Variants in FSIP2 observed in about 807,000 individuals in gnomAD.
FSIP2 encodes fibrous sheath interacting protein 2.
In FSIP2, 367 loss-of-function variants were observed where a neutral mutation model predicts 510.5. The observed-to-expected ratio is 0.72, with a 90% CI of 0.66 to 0.78. FSIP2 has a LOEUF of 0.78. Among genes scored for constraint, FSIP2 ranks in the 30% least tolerant of loss-of-function variants. FSIP2 has a pLI of 0.00. For missense variants in FSIP2, 7,594 were observed against 7,901.7 expected, an observed-to-expected ratio of 0.96 and a Z score of 1.48; for synonymous variants, 2,601 against 2,732.2, an observed-to-expected ratio of 0.95 and a Z score of 1.50.
chr2:185,815,029 G>A (rs1693803280), intron 18 of FSIP2, among the ~76,000 whole-genome samples: 1 of 152,022 alleles, frequency 6.6e-6, no homozygotes, highest in Admixed American at 6.6e-5. Flanking sequence ...ATTGACCAGA[G>A]TTGTATCTGT....
Position 185,803,617 on chromosome 2 carries a change from G to A in FSIP2, c.14311G>A (p.Asp4771Asn), listed in dbSNP as rs1002167654. ...ANVLIQRVQY[D>N]ISKSRFQRQA... The stretch of plus-strand genomic sequence containing the variant: ...TGTTTTAATACAAAGAGTTCAATAT[G>A]ATATAAGTAAATCAAGATTCCAAAG... Residue 4771 changes from aspartate (D) to asparagine (N), a missense_variant, in exon 17 of 23, where the codon GAT becomes AAT. By Grantham distance (23) the Asp-to-Asn change is conservative. Transcript: ENST00000424728. The A allele has an allele frequency of 3.3e-5, 50 of 1,529,342 alleles. No individual in the cohort carries two copies. The highest frequency in any genetic ancestry group is 4.3e-5 in the Non-Finnish European group (49 of 1,143,394). 94.7% of individuals were successfully genotyped at this position (1,529,342 alleles called of 1,614,324 possible).
Position 185,794,749 on chromosome 2 carries a change from T to C in FSIP2, c.7613T>C (p.Val2538Ala), listed in dbSNP as rs963586659. 6.5e-7 allele frequency: 1 copy of C among 1,534,058 alleles called. No homozygotes were observed. Reference sequence around the variant, plus strand: ...AGTTTTCAATCACATATTAACAGTGTAGCAAATGACATAGTTGAAAGTGTT... The same window carrying C: ...AGTTTTCAATCACATATTAACAGTGCAGCAAATGACATAGTTGAAAGTGTT... ...KNSFQSHINS[V>A]ANDIVESVLG... Residue 2538 changes from valine (V) to alanine (A), a missense_variant, in exon 16 of 23, where the codon GTA (valine) becomes GCA (alanine). Coordinates refer to ENST00000424728, the MANE Select transcript of FSIP2 (RefSeq NM_173651.4).
At position 185,794,923 on chromosome 2, in the gene FSIP2, C is replaced by A; in HGVS notation, c.7787C>A (p.Ser2596Tyr). The A allele has an allele frequency of 6.5e-7, 1 of 1,533,714 alleles. No homozygotes were observed. The highest frequency in any genetic ancestry group is 8.7e-7 in the Non-Finnish European group (1 of 1,145,144). Residue 2596 changes from serine to tyrosine, a missense_variant, in exon 16 of 23, where the codon TCC becomes TAC. Physicochemically the swap from Ser to Tyr is moderately radical, Grantham distance 144. Coordinates refer to ENST00000424728, the MANE Select transcript of FSIP2 (RefSeq NM_173651.4). ...AAACAAGCAGGAAAAATAAGTAATT[C>A]CCCTAGATATGCGATATCACAGGCT... ...ETKQAGKISN[S>Y]PRYAISQAYS...
rs1288468899 is a variant in FSIP2 at position 185,788,964 on chromosome 2, G to A, written c.1828G>A (p.Val610Ile). The part of the protein sequence containing the change: ...KPPPAHVEKT[V>I]VGKTCHIKGQ... ...TCCTCCTGCACATGTGGAAAAAACA[G>A]TTGTGGGGAAAACATGTCACATAAA... The change falls in exon 16 of 23, where the codon GTT (valine) becomes ATT (isoleucine). Residue 610 changes from valine (V) to isoleucine (I), a missense_variant. Val to Ile is a conservative substitution (Grantham distance 29). Coordinates refer to ENST00000424728, the MANE Select transcript of FSIP2 (RefSeq NM_173651.4). 17 of 1,534,626 alleles carry A rather than the reference G, an allele frequency of 1.1e-5. No individual in the cohort carries two copies. Among genetic ancestry groups the A allele is most frequent in the Non-Finnish European group, 1.4e-5 (16 of 1,145,874 alleles).
intron 15 of FSIP2, among the ~76,000 whole-genome samples, chr2:185,787,754 A>G (rs771957538): frequency 8.6e-5 from 13 of 151,614 alleles, no homozygotes; most frequent in Non-Finnish European, 1.8e-4. Context: ...GGTTATTCAA[A>G]TCTGGTTCTT....
At chr2:185,751,471 G>C (rs1392193321) in intron 7 of FSIP2, among the ~76,000 whole-genome samples, 2 of 139,016 alleles carry the variant, frequency 1.4e-5, no homozygotes, top group African/African-American at 5.1e-5. Context: ...CTGTGTGTGT[G>C]TGTGTGTGTG....
Position 185,805,048 on chromosome 2 carries a change from A to G in FSIP2, c.15742A>G (p.Ser5248Gly), listed in dbSNP as rs1185067937. 2.5e-6 allele frequency: 4 copies of G among 1,599,558 alleles called. No homozygotes were observed. The highest frequency in any genetic ancestry group is 3.4e-6 in the Non-Finnish European group (4 of 1,175,888). The change falls in exon 17 of 23, where the codon AGT becomes GGT. Residue 5248 changes from serine (S) to glycine (G), a missense_variant. By Grantham distance (56) the Ser-to-Gly change is moderately conservative. Transcript: ENST00000424728. Reference protein sequence around the residue: ...PFLHGEESSFSDLSDYDHVSE... With the variant: ...PFLHGEESSFGDLSDYDHVSE... ...TTTACATGGTGAAGAATCATCTTTC[A>G]GTGACTTATCTGATTATGACCATGT...
At position 185,808,696 on chromosome 2, in the gene FSIP2, A is replaced by C. The variant is rs1693654003; in HGVS notation, c.19390A>C (p.Ser6464Arg). 1 of 1,611,266 alleles carries C rather than the reference A, an allele frequency of 6.2e-7. No homozygotes were observed. Among genetic ancestry groups the C allele is most frequent in the Non-Finnish European group, 8.5e-7 (1 of 1,178,460 alleles). The change falls in exon 17 of 23, where the codon AGT (serine) becomes CGT (arginine). Residue 6464 changes from serine (S) to arginine (R), a missense_variant. Ser to Arg is a moderately radical substitution (Grantham distance 110). Coordinates refer to ENST00000424728, the MANE Select transcript of FSIP2 (RefSeq NM_173651.4). ...VASLIIDGVSSFPLDTINSTI... is the reference protein window; with the variant it reads ...VASLIIDGVSRFPLDTINSTI... ...TAGTTTAATTATTGATGGAGTTTCA[A>C]GTTTTCCATTAGATACAATTAACTC...
In FSIP2 at chr2:185,793,586, A is replaced by C. The variant is rs150118360; in HGVS notation, c.6450A>C (p.Ser2150=). 1 of 1,534,278 alleles carries C rather than the reference A, an allele frequency of 6.5e-7. No homozygotes were observed. Among genetic ancestry groups the C allele is most frequent in the Non-Finnish European group, 8.7e-7 (1 of 1,145,626 alleles). The change falls in exon 16 of 23, where the codon TCA becomes TCC. Residue 2150 remains serine, a synonymous_variant. Transcript: ENST00000424728. ...TTCCTAAGCTTTCAGTTCCTAAATC[A>C]GATGTCATTTTGATATCCAATGATA... ...KIIPKLSVPK[S]DVILISNDIV...
Position 185,802,818 on chromosome 2 carries a change from C to T in FSIP2, c.13512C>T (p.Asp4504=). 6.6e-7 allele frequency: 1 copy of T among 1,520,742 alleles called. No individual in the cohort carries two copies. Among genetic ancestry groups the T allele is most frequent in the Non-Finnish European group, 8.8e-7 (1 of 1,141,006 alleles). 94.2% of individuals were successfully genotyped at this position (1,520,742 alleles called of 1,614,324 possible). The part of the protein sequence containing the change: ...QKDISRVNFN[D]IASNLVSDIR... ...ATATATCAAGAGTGAATTTCAATGA[C>T]ATTGCTTCAAACCTAGTTAGTGATA... is the stretch of plus-strand genomic sequence containing the variant. The change falls in exon 17 of 23, where the codon GAC becomes GAT. Residue 4504 remains aspartate (D), a synonymous_variant. Coordinates refer to ENST00000424728, the MANE Select transcript of FSIP2 (RefSeq NM_173651.4).
chr2:185,815,259 T>C lies in FSIP2; in HGVS notation c.20326-112T>C, dbSNP rs755712242. ...GGGCCCACACCCATCTTTTAACTAATCTCTGGAACTTTTTTCCATTAAAAT... is the reference window on the plus strand; with the variant it reads ...GGGCCCACACCCATCTTTTAACTAACCTCTGGAACTTTTTTCCATTAAAAT... On this transcript the variant is annotated intron_variant, in intron 18 of 22. Coordinates refer to ENST00000424728, the MANE Select transcript of FSIP2 (RefSeq NM_173651.4). The C allele has an allele frequency of 6.5e-5, 40 of 613,380 alleles. 1 individual carries two copies. Among genetic ancestry groups the C allele is most frequent in the Non-Finnish European group, 1.1e-4 (38 of 343,680 alleles). The allele number at this position is 613,380 out of a possible 1,614,324, so 38.0% of individuals were successfully genotyped here. A position where few individuals can be genotyped will look rare whatever the true frequency, so the allele number is the denominator to read the frequency against.
At chr2:185,822,535 A>G (rs1693942385) in intron 19 of FSIP2, among the ~76,000 whole-genome samples, 1 of 151,982 alleles carries the variant, frequency 6.6e-6, no homozygotes, top group Non-Finnish European at 1.5e-5. Flanking sequence ...TGTCAGCTAC[A>G]AAATATTGCT....
chr2:185,777,322 T>TA (rs1259517639), intron 13 of FSIP2, among the ~76,000 whole-genome samples: 17 of 151,562 alleles, frequency 1.1e-4, no homozygotes, highest in Admixed American at 2.6e-4. Context: ...TGTGTTTTTA[T>TA]AAAAAAATCA....
chr2:185,793,238 T>G lies in FSIP2; in HGVS notation c.6102T>G (p.Ser2034=). 1 of 1,534,092 alleles carries G rather than the reference T, an allele frequency of 6.5e-7. No individual in the cohort carries two copies. The highest frequency in any genetic ancestry group is 8.7e-7 in the Non-Finnish European group (1 of 1,145,522). ...TTTTAACTCATGACATTGGGATTTCTGAAAGTATTGCAAGTCAAATTGTTA... is the reference window on the plus strand; with the variant it reads ...TTTTAACTCATGACATTGGGATTTCGGAAAGTATTGCAAGTCAAATTGTTA... The part of the protein sequence containing the change: ...NPFLTHDIGI[S]ESIASQIVNA... Residue 2034 remains serine, a synonymous_variant, in exon 16 of 23, where the codon TCT becomes TCG. Coordinates refer to ENST00000424728, the MANE Select transcript of FSIP2 (RefSeq NM_173651.4).
intron 15 of FSIP2, chr2:185,788,203 A>G (rs1220640341): frequency 6.6e-6 from 1 of 152,114 alleles, no homozygotes; most frequent in Non-Finnish European, 1.5e-5. Context: ...AAATATTTTG[A>G]CTGGATCTGT....
At chr2:185,786,128 T>C in intron 14 of FSIP2, 124 bp from the exon 15 acceptor site, 4 of 653,114 alleles carry the variant, frequency 6.1e-6, no homozygotes, top group Non-Finnish European at 1.0e-5. Flanking sequence ...GTATTCTTCA[T>C]TTTGAATTTC....
chr2:185,773,176 T>C (rs1173520741), intron 13 of FSIP2, among the ~76,000 whole-genome samples: 3 of 152,194 alleles, frequency 2.0e-5, no homozygotes, highest in Non-Finnish European at 4.4e-5. Context: ...GCATTTCTTA[T>C]AGGACCAGTT....
At chr2:185,818,901 C>G (rs1021265941) in intron 19 of FSIP2, among the ~76,000 whole-genome samples, 1 of 151,734 alleles carries the variant, frequency 6.6e-6, no homozygotes, top group African/African-American at 2.4e-5. Context: ...TAAATTTTAA[C>G]AAATGTAAAT....
intron 19 of FSIP2, 98 bp downstream of exon 19, chr2:185,815,569 T>C (rs1693810998): frequency 3.7e-6 from 2 of 540,290 alleles, no homozygotes; most frequent in Non-Finnish European, 6.6e-6. Flanking sequence ...AGCAAGTATT[T>C]AGCTTCAGAC....
Sources: gnomAD v4.1 joint callset for allele counts (sites outside exome capture counted in the v4.1 genomes callset) on GRCh38, gnomAD v4.1.1 for gene constraint, MANE v1.5 for transcripts, NCBI Gene and HGNC (gene_info 2026-07-23, HGNC 2026-07-21) for gene names.